Variants in ADGRL2 observed in about 807,000 individuals in gnomAD.
ADGRL2 encodes the protein adhesion G protein-coupled receptor L2, also known as calcium-independent alpha-latrotoxin receptor 2.
A neutral mutation model predicts 157.4 loss-of-function variants in ADGRL2; 44 were observed. The ratio of observed to expected loss-of-function variants is 0.28; its 90% CI spans 0.22 to 0.36. The LOEUF is 0.36. Among genes scored for constraint, ADGRL2 ranks in the 10% least tolerant of loss-of-function variants. The pLI is 1.00. For synonymous variants in ADGRL2, 585 were observed against 624.7 expected, an observed-to-expected ratio of 0.94 and a Z score of 0.95; for missense variants, 1,510 against 1,768.9, an observed-to-expected ratio of 0.85 and a Z score of 2.63.
At chr1:81,738,237 C>G (rs1266614862) in intron 1 of ADGRL2, among the ~76,000 whole-genome samples, 1 of 152,156 alleles carries the variant, frequency 6.6e-6, no homozygotes, top group African/African-American at 2.4e-5. Flanking sequence ...ACCAATGTCT[C>G]CCTTTCTTGG....
intron 1 of ADGRL2, among the ~76,000 whole-genome samples, chr1:81,415,587 G>C (rs1233974948): frequency 1.3e-5 from 2 of 152,202 alleles, no homozygotes; most frequent in Non-Finnish European, 2.9e-5. Flanking sequence ...AGTTTGGACA[G>C]CTCGGTTCAA....
At chr1:81,432,330 A>T (rs1400005656) in intron 1 of ADGRL2, among the ~76,000 whole-genome samples, 1 of 152,190 alleles carries the variant, frequency 6.6e-6, no homozygotes, top group Non-Finnish European at 1.5e-5. Flanking sequence ...AGTTGGATGT[A>T]AAATCCTTGA....
At chr1:81,796,814 T>A (rs142418844), upstream of ADGRL2, among the ~76,000 whole-genome samples, 146 of 152,302 alleles carry the variant, frequency 9.6e-4, 1 homozygote, top group African/African-American at 3.3e-3. Flanking sequence ...ATATTTACAT[T>A]ATACTTTAAA....
intron 3 of ADGRL2, among the ~76,000 whole-genome samples, chr1:81,656,549 A>C (rs2082537048): frequency 6.6e-6 from 1 of 152,176 alleles, no homozygotes; most frequent in African/African-American, 2.4e-5. Flanking sequence ...AGGATTAGAC[A>C]CGATGTGCCA....
intron 2 of ADGRL2, among the ~76,000 whole-genome samples, chr1:81,529,018 T>A (rs554318809): frequency 1.3e-5 from 2 of 152,298 alleles, no homozygotes; most frequent in African/African-American, 4.8e-5. Context: ...AAGTAAAACC[T>A]AAATGTTGCT....
At chr1:81,498,322 A>G (rs560334262) in intron 2 of ADGRL2, among the ~76,000 whole-genome samples, 1 of 152,324 alleles carries the variant, frequency 6.6e-6, no homozygotes, top group African/African-American at 2.4e-5. Flanking sequence ...ATACATATAT[A>G]TGCAATCTTT....
At chr1:81,580,290 C>T (rs930742311) in intron 2 of ADGRL2, among the ~76,000 whole-genome samples, 5 of 151,774 alleles carry the variant, frequency 3.3e-5, no homozygotes, top group African/African-American at 1.2e-4. Flanking sequence ...TCACTAACCC[C>T]AAGGAGGTAT....
At chr1:81,860,009 G>A (rs2093340432) in intron 2 of ADGRL2, among the ~76,000 whole-genome samples, 1 of 151,854 alleles carries the variant, frequency 6.6e-6, no homozygotes, top group Non-Finnish European at 1.5e-5. Flanking sequence ...CGAATCACAA[G>A]GTCAGGAGTT....
At chr1:81,765,379 G>A (rs2149323730) in intron 2 of ADGRL2, among the ~76,000 whole-genome samples, 1 of 151,806 alleles carries the variant, frequency 6.6e-6, no homozygotes, top group East Asian at 1.9e-4. Context: ...CAAAATCAGG[G>A]GCAATGTAAC....
chr1:81,520,489 T>C (rs1360584486), intron 2 of ADGRL2, among the ~76,000 whole-genome samples: 1 of 152,100 alleles, frequency 6.6e-6, no homozygotes, highest in Non-Finnish European at 1.5e-5. Context: ...GTAATCCCCA[T>C]AATCCCTACA....
At chr1:81,702,054 G>C (rs1254440730) in intron 1 of ADGRL2, among the ~76,000 whole-genome samples, 2 of 152,180 alleles carry the variant, frequency 1.3e-5, no homozygotes, top group African/African-American at 2.4e-5. Context: ...TCTGTCTTGA[G>C]GGTTGAATGG....
intron 3 of ADGRL2, among the ~76,000 whole-genome samples, chr1:81,667,505 G>T (rs1322746532): frequency 6.6e-6 from 1 of 152,212 alleles, no homozygotes; most frequent in East Asian, 1.9e-4. Context: ...ATTGACTAAA[G>T]AACTTAGCTG....
At chr1:81,770,750 A>T (rs2086334740) in intron 2 of ADGRL2, among the ~76,000 whole-genome samples, 1 of 152,270 alleles carries the variant, frequency 6.6e-6, no homozygotes, top group South Asian at 2.1e-4. Flanking sequence ...CTGGGATTAC[A>T]GGCGTGAGCC....
chr1:81,354,695 A>G (rs914505146), intron 1 of ADGRL2, among the ~76,000 whole-genome samples: 6 of 152,144 alleles, frequency 3.9e-5, no homozygotes, highest in African/African-American at 1.4e-4. Context: ...AATGTATTCT[A>G]TCTTGTCTTG....
chr1:81,343,996 C>G (rs748864751), intron 1 of ADGRL2, among the ~76,000 whole-genome samples: 12 of 152,076 alleles, frequency 7.9e-5, no homozygotes, highest in Non-Finnish European at 1.8e-4. Flanking sequence ...ACACAATAAA[C>G]TGTAAGTTAT....
chr1:81,692,451 T>C (rs1193059040), intron 3 of ADGRL2, among the ~76,000 whole-genome samples: 1 of 152,218 alleles, frequency 6.6e-6, no homozygotes, highest in Non-Finnish European at 1.5e-5. Context: ...CCCGCAGTGT[T>C]AAGCCAATTC....
intron 1 of ADGRL2, among the ~76,000 whole-genome samples, chr1:81,724,944 G>A (rs183989120): frequency 2.0e-5 from 3 of 150,684 alleles, no homozygotes; most frequent in Admixed American, 1.3e-4. Context: ...GGTGGCTCAC[G>A]CCTGTAATCC....
intron 1 of ADGRL2, among the ~76,000 whole-genome samples, chr1:81,730,890 T>C (rs1570990462): frequency 6.6e-6 from 1 of 152,082 alleles, no homozygotes; most frequent in Admixed American, 6.6e-5. Context: ...CCTGATTATC[T>C]ACTTTAGCTA....
chr1:81,438,324 T>C (rs2077446007), intron 1 of ADGRL2, among the ~76,000 whole-genome samples: 1 of 152,148 alleles, frequency 6.6e-6, no homozygotes, highest in South Asian at 2.1e-4. Flanking sequence ...AATAAATAAA[T>C]TGCATAAATT....
Sources: gnomAD v4.1 joint callset for allele counts (sites outside exome capture counted in the v4.1 genomes callset) on GRCh38, gnomAD v4.1.1 for gene constraint, MANE v1.5 for transcripts, NCBI Gene and HGNC (gene_info 2026-07-23, HGNC 2026-07-21) for gene names.